CACNA1A: variants seen among roughly 807,000 people sequenced by gnomAD.
CACNA1A encodes calcium voltage-gated channel subunit alpha1 A, also known as voltage-dependent P/Q-type calcium channel subunit alpha-1A.
CACNA1A carries 57 observed loss-of-function variants against 262.4 expected under a neutral mutation model. That is an observed-to-expected ratio of 0.22 (90% CI 0.18 to 0.27). CACNA1A has a LOEUF of 0.27. Ranked by LOEUF, CACNA1A falls within the 10% of genes least tolerant of loss-of-function variation. CACNA1A has a pLI of 1.00. For missense variants in CACNA1A, 2,526 were observed against 3,562.8 expected (o/e 0.71, Z 7.41); for synonymous variants, 1,431 against 1,419.3 (o/e 1.01, Z -0.18).
At chr19:13,294,487 CTTTTTTT>C (rs780908964) in intron 19 of CACNA1A, among the ~76,000 whole-genome samples, 6 of 72,554 alleles carry the variant, frequency 8.3e-5, no homozygotes, top group East Asian at 5.0e-4. Flanking sequence ...CTGTACCTGG[CTTTTTTT>C]TTTTTTTTTT....
intron 3 of CACNA1A, among the ~76,000 whole-genome samples, chr19:13,439,329 C>T (rs1024389346): frequency 2.6e-5 from 4 of 151,310 alleles, no homozygotes; most frequent in East Asian, 1.9e-4. Flanking sequence ...AGGATGGTCT[C>T]GATTTCCTGA....
At chr19:13,223,002 C>G (rs12976255) in intron 38 of CACNA1A, among the ~76,000 whole-genome samples, 125,311 of 152,170 alleles carry the variant, frequency 0.82, 51,836 homozygotes, top group South Asian at 0.9. Flanking sequence ...CCCTTCTCAG[C>G]TTTAAAAAAA....
chr19:13,462,998 C>A (rs1033465182), intron 1 of CACNA1A, among the ~76,000 whole-genome samples: 1 of 152,002 alleles, frequency 6.6e-6, no homozygotes, highest in Non-Finnish European at 1.5e-5. Context: ...TGGGCTCAAG[C>A]GATCCTCTCA....
intron 34 of CACNA1A, among the ~76,000 whole-genome samples, chr19:13,234,048 TA>T (rs60742009): frequency 1.9e-4 from 19 of 102,322 alleles, no homozygotes; most frequent in Admixed American, 3.4e-4. Flanking sequence ...AGACTCCATC[TA>T]AAAAAAAAAA....
chr19:13,257,562 T>C lies in CACNA1A; in HGVS notation c.4389-11A>G. ...GAATGCTTGAGGACCCTGCAAGGAA[T>C]GGGGCAGGGAGAGGGAAGGGGCAGG... On this transcript the variant is annotated splice_polypyrimidine_tract_variant and intron_variant, in intron 27 of 46. Transcript: ENST00000360228. 1 of 1,559,522 alleles carries C rather than the reference T, an allele frequency of 6.4e-7. No individual in the cohort carries two copies. Among genetic ancestry groups the C allele is most frequent in the Non-Finnish European group, 8.7e-7 (1 of 1,149,472 alleles).
In CACNA1A at chr19:13,254,368, C is replaced by CT. The variant is rs559989685; in HGVS notation, c.4755+726dup. The stretch of plus-strand genomic sequence containing the variant: ...TCCCTCATTTCTTTCTTTTTCTTTT[C>CT]TTTTTTTTTTTGAGATGGAGTCTTG... On this transcript the variant is annotated intron_variant, in intron 29 of 46. Coordinates refer to ENST00000360228, the MANE Select transcript of CACNA1A (RefSeq NM_001127222.2). Among the ~76,000 whole-genome samples, 812 of 145,420 alleles carry CT rather than the reference C, an allele frequency of 5.6e-3. 6 individuals are homozygous for CT. The highest frequency in any genetic ancestry group is 0.028 in the Middle Eastern group (8 of 290).
chr19:13,468,172 A>G (rs1355388200), intron 1 of CACNA1A, among the ~76,000 whole-genome samples: 1 of 152,214 alleles, frequency 6.6e-6, no homozygotes, highest in Admixed American at 6.5e-5. Context: ...TTAAACAAAA[A>G]GTATTAATCA....
chr19:13,308,626 A>C lies in CACNA1A; in HGVS notation c.1669-98T>G. 20 of 646,416 alleles carry C rather than the reference A, an allele frequency of 3.1e-5. No individual in the cohort carries two copies. Among genetic ancestry groups the C allele is most frequent in the East Asian group, 1.1e-4 (4 of 35,188 alleles). The allele number at this position is 646,416 out of a possible 1,614,324, so 40.0% of individuals were successfully genotyped here. ...ACCAACCTTGCAAGAACTCAACCAAACTCCTCCCTCCAAATGGAAGCCGGG... is the reference window on the plus strand; with the variant it reads ...ACCAACCTTGCAAGAACTCAACCAACCTCCTCCCTCCAAATGGAAGCCGGG... On this transcript the variant is annotated intron_variant, in intron 12 of 46. Coordinates refer to ENST00000360228, the MANE Select transcript of CACNA1A (RefSeq NM_001127222.2). The surrounding 1 kb of genome is among the most constrained non-coding windows in gnomAD (Gnocchi z 4.2).
intron 3 of CACNA1A, among the ~76,000 whole-genome samples, chr19:13,394,154 T>C (rs931816545): frequency 1.8e-4 from 27 of 152,208 alleles, no homozygotes; most frequent in Admixed American, 1.7e-3. Context: ...ATCCCCATGA[T>C]GACCCTACAA....
At chr19:13,434,305 TG>T (rs2060572367) in intron 3 of CACNA1A, among the ~76,000 whole-genome samples, 1 of 152,188 alleles carries the variant, frequency 6.6e-6, no homozygotes, top group East Asian at 1.9e-4. Context: ...TACAGGCTAC[TG>T]TTATTACTGA....
At chr19:13,377,422 T>C (rs1010128517) in intron 3 of CACNA1A, among the ~76,000 whole-genome samples, 25 of 151,154 alleles carry the variant, frequency 1.7e-4, no homozygotes, top group African/African-American at 4.1e-4. Context: ...TGCAGTGGTG[T>C]GATCTTGGCT....
At chr19:13,388,245 CTTTTTTTTTTTTTTTT>C (rs1161893626) in intron 3 of CACNA1A, among the ~76,000 whole-genome samples, 3 of 85,682 alleles carry the variant, frequency 3.5e-5, no homozygotes, top group African/African-American at 1.5e-4. Flanking sequence ...TCTTCCTCTT[CTTTTTTTTTTTTTTTT>C]TTTTTTTTTT....
chr19:13,412,731 C>T (rs1363132598), intron 3 of CACNA1A, among the ~76,000 whole-genome samples: 1 of 152,148 alleles, frequency 6.6e-6, no homozygotes, highest in Non-Finnish European at 1.5e-5. Flanking sequence ...CCTGTCTCGG[C>T]CTCCCAAAGT....
chr19:13,317,921 G>A (rs2058158981), intron 10 of CACNA1A, among the ~76,000 whole-genome samples: 1 of 152,182 alleles, frequency 6.6e-6, no homozygotes, highest in African/African-American at 2.4e-5. Flanking sequence ...CCCTCTAAGG[G>A]GAGGAGACAG....
Position 13,257,309 on chromosome 19 carries a change from G to A in CACNA1A, c.4590+41C>T, listed in dbSNP as rs768030040. 12 of 1,528,846 alleles carry A rather than the reference G, an allele frequency of 7.8e-6. No individual in the cohort carries two copies. The South Asian group carries it at 7.9e-5, about 10-fold the overall frequency. 94.7% of individuals were successfully genotyped at this position (1,528,846 alleles called of 1,614,324 possible). ...TGTGTGTGTTTTAAAGTTTGTGTGT[G>A]TCCCCAGTTTTTAAAGGACAGATGG... is the stretch of plus-strand genomic sequence containing the variant. On this transcript the variant is annotated intron_variant, in intron 28 of 46. Transcript: ENST00000360228.
At chr19:13,347,972 G>C (rs1008316205) in intron 6 of CACNA1A, among the ~76,000 whole-genome samples, 8 of 152,176 alleles carry the variant, frequency 5.3e-5, no homozygotes, top group Non-Finnish European at 1.0e-4. Flanking sequence ...CCAGGCTGGA[G>C]TGCAGGGGTG....
At chr19:13,240,011 C>T (rs768186453) in intron 31 of CACNA1A, among the ~76,000 whole-genome samples, 20 of 151,968 alleles carry the variant, frequency 1.3e-4, no homozygotes, top group Admixed American at 5.2e-4. Context: ...AGTGGCCTGG[C>T]GTGGTGGTAC....
At chr19:13,227,570 A>C (rs755719718) in intron 36 of CACNA1A, 43 bp from the exon 37 acceptor site, 49 of 1,227,052 alleles carry the variant, frequency 4.0e-5, no homozygotes, top group Admixed American at 7.8e-5. Flanking sequence ...AAAAACAAAA[A>C]AACAAAACGG....
Position 13,241,565 on chromosome 19 carries a change from C to CGGGGGGGGGG in CACNA1A, c.4950+3616_4950+3617insCCCCCCCCCC. On this transcript the variant is annotated intron_variant, in intron 31 of 46. Coordinates refer to ENST00000360228, the MANE Select transcript of CACNA1A (RefSeq NM_001127222.2). This position sits in a 1 kb window ranked among gnomAD's most constrained non-coding sequence, Gnocchi z 4.0. Reference sequence around the variant, plus strand: ...TTGAAGATGAGGGGGAGCGGGCGGGCGGGGGCAGTTGGGGAGGCGTGTTCA... The same window carrying CGGGGGGGGGG: ...TTGAAGATGAGGGGGAGCGGGCGGGCGGGGGGGGGGGGGGGCAGTTGGGGAGGCGTGTTCA... 4 of 193,570 alleles carry CGGGGGGGGGG rather than the reference C, an allele frequency of 2.1e-5. No homozygotes were observed. Among genetic ancestry groups the CGGGGGGGGGG allele is most frequent in the Non-Finnish European group, 2.9e-5 (3 of 102,662 alleles). 12.0% of individuals were successfully genotyped at this position (193,570 alleles called of 1,614,324 possible). A position where few individuals can be genotyped will look rare whatever the true frequency, so the allele number is the denominator to read the frequency against.
Sources: allele counts gnomAD v4.1 joint callset (sites outside exome capture counted in the v4.1 genomes callset), GRCh38; gene constraint gnomAD v4.1.1; non-coding constraint Gnocchi (gnomAD v3.1); transcripts MANE v1.5; gene names NCBI Gene and HGNC (gene_info 2026-07-23, HGNC 2026-07-21).